Variants in NRAP observed in about 807,000 individuals in gnomAD.
NRAP encodes nebulin related anchoring protein, also known as nebulin-related-anchoring protein.
NRAP carries 189 observed loss-of-function variants against 225.9 expected under a neutral mutation model. The observed-to-expected ratio is 0.84, with a 90% CI of 0.74 to 0.94. The LOEUF (loss-of-function observed/expected upper bound fraction) is 0.94. NRAP is among the 40% of genes least tolerant of loss of function. The pLI is 0.00. For synonymous variants in NRAP, 769 were observed against 790.7 expected (o/e 0.97, Z 0.46); for missense variants, 2,176 against 2,168.7 (o/e 1.00, Z -0.07).
chr10:113,636,593 T>C (rs529566187), intron 14 of NRAP, among the ~76,000 whole-genome samples: 2 of 152,336 alleles, frequency 1.3e-5, no homozygotes, highest in South Asian at 4.1e-4. Context: ...ATTGTTGTGA[T>C]GCAACAAATA....
intron 25 of NRAP, among the ~76,000 whole-genome samples, chr10:113,620,340 T>TG (rs1291608979): frequency 2.6e-5 from 4 of 152,196 alleles, no homozygotes; most frequent in African/African-American, 4.8e-5. Context: ...AAAGGTAAGT[T>TG]GGTGGGTAGC....
chr10:113,641,554 A>G (rs1849203556), intron 12 of NRAP, 82 bp from the exon 13 acceptor site: 2 of 794,396 alleles, frequency 2.5e-6, no homozygotes, highest in Non-Finnish European at 4.4e-6. Context: ...AATGCATTAA[A>G]TCCAAGGCAT....
intron 38 of NRAP, among the ~76,000 whole-genome samples, chr10:113,592,586 C>T (rs905129201): frequency 6.6e-6 from 1 of 151,058 alleles, no homozygotes; most frequent in Non-Finnish European, 1.5e-5. Flanking sequence ...GTATCAGAAG[C>T]CTCCACCCCA....
At chr10:113,631,746 A>C (rs1848595049) in intron 17 of NRAP, 111 bp downstream of exon 17, 1 of 885,698 alleles carries the variant, frequency 1.1e-6, no homozygotes, top group African/African-American at 1.7e-5. Context: ...AAGAAGATTA[A>C]AGTATTGCGA....
At chr10:113,596,784 C>T (rs921731354) in intron 37 of NRAP, among the ~76,000 whole-genome samples, 9 of 152,198 alleles carry the variant, frequency 5.9e-5, no homozygotes, top group African/African-American at 2.2e-4. Context: ...CTTGCTAAAA[C>T]TTTCTGAGCC....
chr10:113,588,810 C>CAAAT lies in NRAP; in HGVS notation c.*161_*164dup, dbSNP rs1845737844. On this transcript the variant is annotated 3_prime_UTR_variant, in exon 42 of 42. Transcript: ENST00000359988. ...CACGTCTAGGTATCAGAGAGGACCA[C>CAAAT]AAATACAACATTCTCCATCTGCTTT... is the stretch of plus-strand genomic sequence containing the variant. The CAAAT allele has an allele frequency of 4.7e-6, 3 of 634,116 alleles. No individual in the cohort carries two copies. Among genetic ancestry groups the CAAAT allele is most frequent in the Middle Eastern group, 3.7e-4 (1 of 2,718 alleles). The allele number at this position is 634,116 out of a possible 1,614,324, so 39.3% of individuals were successfully genotyped here. A position where few individuals can be genotyped will look rare whatever the true frequency, so the allele number is the denominator to read the frequency against.
At chr10:113,647,297 T>C (rs1849575662) in intron 9 of NRAP, among the ~76,000 whole-genome samples, 1 of 152,112 alleles carries the variant, frequency 6.6e-6, no homozygotes, top group African/African-American at 2.4e-5. Context: ...AATCAGACAC[T>C]CTACCACTCT....
At chr10:113,622,527 T>A (rs1028797407) in intron 23 of NRAP, among the ~76,000 whole-genome samples, 1 of 151,300 alleles carries the variant, frequency 6.6e-6, no homozygotes, top group Non-Finnish European at 1.5e-5. Flanking sequence ...TTTGGGGGAG[T>A]ATGAGGGGCA....
chr10:113,647,090 C>T, intron 9 of NRAP, 63 bp from the exon 10 acceptor site: 1 of 998,524 alleles, frequency 1.0e-6, no homozygotes, highest in Non-Finnish European at 1.6e-6. Context: ...TGGGGTTCAG[C>T]AATGGTCACT....
intron 18 of NRAP, 108 bp downstream of exon 18, chr10:113,631,401 A>T: frequency 1.5e-6 from 1 of 649,306 alleles, no homozygotes; most frequent in South Asian, 2.1e-5. Flanking sequence ...AAGGAGTTGC[A>T]GGTAGAAGTC....
intron 22 of NRAP, among the ~76,000 whole-genome samples, chr10:113,624,274 T>C (rs1171460559): frequency 2.0e-5 from 3 of 152,188 alleles, no homozygotes. Flanking sequence ...CCCCAGAAGA[T>C]ACAGAGAAGG....
intron 9 of NRAP, among the ~76,000 whole-genome samples, chr10:113,649,630 G>C (rs556608684): frequency 5.8e-4 from 89 of 152,278 alleles, no homozygotes; most frequent in African/African-American, 1.9e-3. Flanking sequence ...CACTTTCTAA[G>C]AAAATGAGCA....
At position 113,641,276 on chromosome 10, in the gene NRAP, T is replaced by A. The variant is rs1415546771; in HGVS notation, c.1323+89A>T. 7.0e-5 allele frequency: 55 copies of A among 786,390 alleles called. 1 individual carries two copies. In the Admixed American group the frequency reaches 1.4e-3, roughly 19 times the overall value. The allele number at this position is 786,390 out of a possible 1,614,324, so 48.7% of individuals were successfully genotyped here. A position where few individuals can be genotyped will look rare whatever the true frequency, so the allele number is the denominator to read the frequency against. On this transcript the variant is annotated intron_variant, in intron 13 of 41. Coordinates refer to ENST00000359988, the MANE Select transcript of NRAP (RefSeq NM_198060.4). ...AGTCTTTAAAATAGAAGACAGATTT[T>A]TTTTTAAGGGGAATTTAAAAAGAAT...
intron 23 of NRAP, among the ~76,000 whole-genome samples, chr10:113,622,913 C>A (rs952418162): frequency 6.6e-6 from 1 of 152,148 alleles, no homozygotes; most frequent in African/African-American, 2.4e-5. Context: ...TTCACCTGAT[C>A]TTTTTTTGAA....
At chr10:113,606,707 G>A (rs1846987773) in intron 32 of NRAP, among the ~76,000 whole-genome samples, 1 of 152,106 alleles carries the variant, frequency 6.6e-6, no homozygotes, top group African/African-American at 2.4e-5. Flanking sequence ...CTTTCCACAG[G>A]TGAATCACAC....
chr10:113,622,049 T>C lies in NRAP; in HGVS notation c.2589A>G (p.Gly863=). ...KLQSELEYKK[G]FEDTKSQCHV... Reference sequence around the variant, plus strand: ...GGCATTGGGATTTGGTGTCCTCGAATCCCTTCTTGTACTCCAGCTCACTCT... The same window carrying C: ...GGCATTGGGATTTGGTGTCCTCGAACCCCTTCTTGTACTCCAGCTCACTCT... The change falls in exon 24 of 42, where the codon GGA becomes GGG. Residue 863 remains glycine (G), a synonymous_variant. Transcript: ENST00000359988. 6.2e-7 allele frequency: 1 copy of C among 1,614,162 alleles called. No individual in the cohort carries two copies. Among genetic ancestry groups the C allele is most frequent in the Non-Finnish European group, 8.5e-7 (1 of 1,180,008 alleles).
chr10:113,606,301 A>G lies in NRAP; in HGVS notation c.3703-19T>C. 1 of 1,432,530 alleles carries G rather than the reference A, an allele frequency of 7.0e-7. No homozygotes were observed. Among genetic ancestry groups the G allele is most frequent in the Non-Finnish European group, 9.9e-7 (1 of 1,014,824 alleles). The allele number at this position is 1,432,530 out of a possible 1,614,324, so 88.7% of individuals were successfully genotyped here. A position where few individuals can be genotyped will look rare whatever the true frequency, so the allele number is the denominator to read the frequency against. ...AGAGGCGCTAGGCCAAAAAAATATAATAATAATAATGCAAGAGATAAGTGC... is the reference window on the plus strand; with the variant it reads ...AGAGGCGCTAGGCCAAAAAAATATAGTAATAATAATGCAAGAGATAAGTGC... On this transcript the variant is annotated intron_variant, in intron 32 of 41. Coordinates refer to ENST00000359988, the MANE Select transcript of NRAP (RefSeq NM_198060.4).
intron 9 of NRAP, 27 bp from the exon 10 acceptor site, chr10:113,647,054 G>A (rs1175343147): frequency 2.8e-5 from 40 of 1,427,642 alleles, no homozygotes; most frequent in Non-Finnish European, 3.9e-5. Flanking sequence ...AAACTTCAGT[G>A]AGTAATGCTT....
In NRAP at chr10:113,626,985, G is replaced by A. The variant is rs117175217; in HGVS notation, c.2146-840C>T. On this transcript the variant is annotated intron_variant, in intron 20 of 41. Transcript: ENST00000359988. ...AGATGGCCACTGAAAACGGCGTGTG[G>A]AAGCAAAAGCTTCACATGGCAGGGA... Among the ~76,000 whole-genome samples, 23 of 152,334 alleles carry A rather than the reference G, an allele frequency of 1.5e-4. No homozygotes were observed. The East Asian group carries it at 4.2e-3, about 28-fold the overall frequency.
Sources: gnomAD v4.1 joint callset for allele counts (sites outside exome capture counted in the v4.1 genomes callset) on GRCh38, gnomAD v4.1.1 for gene constraint, MANE v1.5 for transcripts, NCBI Gene and HGNC (gene_info 2026-07-23, HGNC 2026-07-21) for gene names.